Variants in SUSD1 observed in about 807,000 individuals in gnomAD.
SUSD1 encodes sushi domain containing 1.
In SUSD1, 65 loss-of-function variants were observed where a neutral mutation model predicts 86.9. The ratio of observed to expected loss-of-function variants is 0.75; its 90% confidence interval spans 0.61 to 0.92. The LOEUF (loss-of-function observed/expected upper bound fraction) is 0.92, where lower values mean the gene tolerates loss of function less well. Among genes scored for constraint, SUSD1 ranks in the 40% least tolerant of loss-of-function variants. The pLI is 0.00. For missense variants in SUSD1, 850 were observed against 929.7 expected (o/e 0.91, Z 1.11); for synonymous variants, 346 against 350.0 (o/e 0.99, Z 0.13).
At chr9:112,103,122 T>C in intron 8 of SUSD1, 1 of 458,812 alleles carries the variant, frequency 2.2e-6, no homozygotes, top group South Asian at 1.6e-5. Flanking sequence ...AGCTATTTTA[T>C]AACTACCTTT....
At chr9:112,072,140 CT>C in intron 12 of SUSD1, among the ~76,000 whole-genome samples, 36,936 of 120,608 alleles carry the variant, frequency 0.31, 2,657 homozygotes, top group East Asian at 0.44. Flanking sequence ...CTTTCTTTCT[CT>C]TTTTTTTTTT....
intron 12 of SUSD1, among the ~76,000 whole-genome samples, chr9:112,072,140 C>CTTTTTTTTTTTTTTTTTTTTTT: frequency 6.6e-5 from 8 of 121,166 alleles, no homozygotes; most frequent in African/African-American, 9.5e-5. Context: ...CTTTCTTTCT[C>CTTTTTTTTTTTTTTTTTTTTTT]TTTTTTTTTT....
chr9:112,170,860 C>T (rs996606100), intron 1 of SUSD1, among the ~76,000 whole-genome samples: 1 of 151,966 alleles, frequency 6.6e-6, no homozygotes. Context: ...CAAGCGCCCA[C>T]CACCAGGCCC....
chr9:112,127,715 A>G (rs906174027), intron 5 of SUSD1, among the ~76,000 whole-genome samples: 2 of 152,238 alleles, frequency 1.3e-5, no homozygotes, highest in African/African-American at 4.8e-5. Flanking sequence ...AACAATAATA[A>G]TAAGTCAACA....
Position 112,163,955 on chromosome 9 carries a change from T to C in SUSD1, c.104-6342A>G, listed in dbSNP as rs146259099. Among the ~76,000 whole-genome samples, 412 of 151,934 alleles carry C rather than the reference T, an allele frequency of 2.7e-3. 3 individuals are homozygous for C. Among genetic ancestry groups the C allele is most frequent in the African/African-American group, 9.7e-3 (402 of 41,452 alleles). ...GGCAGAGGTTGCAGTGAGCCAAGAC[T>C]GTGCCACTGCACTCCAGGCTGGGCA... On this transcript the variant is annotated intron_variant, in intron 1 of 16. Transcript: ENST00000374270.
intron 6 of SUSD1, among the ~76,000 whole-genome samples, chr9:112,122,409 C>T (rs1389054877): frequency 1.3e-5 from 2 of 152,246 alleles, no homozygotes; most frequent in Admixed American, 1.3e-4. Context: ...ATCCTCCTGC[C>T]TTGGCCTCTC....
intron 15 of SUSD1, among the ~76,000 whole-genome samples, chr9:112,050,483 C>G (rs1002196631): frequency 1.3e-5 from 2 of 152,188 alleles, no homozygotes; most frequent in Admixed American, 1.3e-4. Flanking sequence ...GCACAGTATT[C>G]TCTACTGACA....
In SUSD1 at chr9:112,080,090, A is replaced by G. The variant is rs774250276; in HGVS notation, c.1550T>C (p.Met517Thr). Reference sequence around the variant, plus strand: ...GTCACTTACTAAATACATCTCCTCCATATCAGCTGTCTTGATGCTTCTCCA... The same window carrying G: ...GTCACTTACTAAATACATCTCCTCCGTATCAGCTGTCTTGATGCTTCTCCA... ...LRWRSIKTAD[M>T]EEMYLFHIWG... Residue 517 changes from methionine to threonine, a missense_variant, in exon 11 of 17, where the codon ATG becomes ACG. Met to Thr is a moderately conservative substitution (Grantham distance 81, BLOSUM62 -1). Transcript: ENST00000374270. The G allele has an allele frequency of 5.0e-6, 8 of 1,612,180 alleles. No homozygotes were observed. Among genetic ancestry groups the G allele is most frequent in the South Asian group, 4.4e-5 (4 of 91,032 alleles).
At chr9:112,109,314 C>T (rs1176238304) in intron 8 of SUSD1, among the ~76,000 whole-genome samples, 1 of 152,164 alleles carries the variant, frequency 6.6e-6, no homozygotes, top group East Asian at 1.9e-4. Context: ...TGGAAAACTT[C>T]CCAATTCATT....
intron 10 of SUSD1, among the ~76,000 whole-genome samples, chr9:112,084,694 T>C (rs901319187): frequency 6.6e-6 from 1 of 152,176 alleles, no homozygotes; most frequent in African/African-American, 2.4e-5. Context: ...CCAAGTCCCT[T>C]CCTAGTGCTC....
chr9:112,079,735 TG>T (rs1288950399), intron 11 of SUSD1, among the ~76,000 whole-genome samples: 6 of 152,058 alleles, frequency 3.9e-5, no homozygotes, highest in African/African-American at 1.4e-4. Context: ...CCTGAATAGC[TG>T]GGATTACAGC....
intron 12 of SUSD1, among the ~76,000 whole-genome samples, chr9:112,077,499 CTTTTTTTTTTTTTT>C (rs869259276): frequency 1.1e-3 from 76 of 66,422 alleles, no homozygotes; most frequent in African/African-American, 4.3e-3. Flanking sequence ...TAGTAATCTA[CTTTTTTTTTTTTTT>C]TTTTTTTTTT....
intron 7 of SUSD1, among the ~76,000 whole-genome samples, chr9:112,112,494 A>C (rs1991566): frequency 6.6e-6 from 1 of 151,732 alleles, no homozygotes; most frequent in Non-Finnish European, 1.5e-5. Context: ...AAATTAGCCA[A>C]GCATGGTAGT....
chr9:112,058,794 T>G (rs1828574135), intron 13 of SUSD1, 108 bp from the exon 14 acceptor site: 1 of 1,395,270 alleles, frequency 7.2e-7, no homozygotes, highest in African/African-American at 1.8e-5. Context: ...TCTTTGTTTT[T>G]TTGTTTTTTG....
At chr9:112,117,821 C>T (rs1312394940) in intron 6 of SUSD1, among the ~76,000 whole-genome samples, 1 of 152,090 alleles carries the variant, frequency 6.6e-6, no homozygotes, top group Non-Finnish European at 1.5e-5. Flanking sequence ...ATCAACAATG[C>T]TAAATGTTGT....
At chr9:112,141,653 G>T (rs1023632979) in intron 5 of SUSD1, among the ~76,000 whole-genome samples, 9 of 148,442 alleles carry the variant, frequency 6.1e-5, no homozygotes, top group African/African-American at 2.2e-4. Flanking sequence ...CTGCAGACTG[G>T]GTGACAAAGC....
At chr9:112,076,059 A>G (rs1008201751) in intron 12 of SUSD1, among the ~76,000 whole-genome samples, 2 of 152,226 alleles carry the variant, frequency 1.3e-5, no homozygotes, top group Non-Finnish European at 2.9e-5. Flanking sequence ...GACATGTCCT[A>G]TGATGAGGAA....
At chr9:112,070,403 C>T (rs949313210) in intron 12 of SUSD1, among the ~76,000 whole-genome samples, 2 of 152,244 alleles carry the variant, frequency 1.3e-5, no homozygotes, top group Non-Finnish European at 2.9e-5. Context: ...GTGGAACAAA[C>T]TTGACTTTCA....
intron 15 of SUSD1, among the ~76,000 whole-genome samples, chr9:112,045,921 G>A (rs1589568168): frequency 6.6e-6 from 1 of 152,304 alleles, no homozygotes; most frequent in South Asian, 2.1e-4. Flanking sequence ...CCTCACAAAC[G>A]AAGAGGACAA....
Sources: allele counts gnomAD v4.1 joint callset (sites outside exome capture counted in the v4.1 genomes callset), GRCh38; gene constraint gnomAD v4.1.1; transcripts MANE v1.5; gene names NCBI Gene and HGNC (gene_info 2026-07-23, HGNC 2026-07-21).